The following PLD5 variants were observed in gnomAD, a reference collection of about 807,000 sequenced individuals.
PLD5 encodes the protein phospholipase D family member 5.
A neutral mutation model predicts 61.1 loss-of-function variants in PLD5; 36 were observed. The ratio of observed to expected loss-of-function variants is 0.59; its 90% CI spans 0.45 to 0.78. The LOEUF (loss-of-function observed/expected upper bound fraction) is 0.78, where lower values mean the gene tolerates loss of function less well. Ranked by LOEUF, PLD5 falls within the 30% of genes least tolerant of loss-of-function variation. PLD5 has a pLI of 0.00. For synonymous variants in PLD5, 243 were observed against 242.8 expected, an observed-to-expected ratio of 1.00 and a Z score of -0.01; for missense variants, 515 against 644.4, an observed-to-expected ratio of 0.80 and a Z score of 2.17.
rs187660633 is a variant in PLD5 at position 242,266,559 on chromosome 1, G to A, written c.496-1111C>T. ...CCTTTGTATGTTTTAATAGACTCCCGTCTGTCTCCTTATCATAAAAGGAAA... is the reference window on the plus strand; with the variant it reads ...CCTTTGTATGTTTTAATAGACTCCCATCTGTCTCCTTATCATAAAAGGAAA... On this transcript the variant is annotated intron_variant, in intron 3 of 9. Transcript: ENST00000536534. 7.9e-5 allele frequency among the ~76,000 whole-genome samples: 12 copies of A among 151,964 alleles called. No homozygotes were observed. The East Asian group carries it at 1.4e-3, about 17-fold the overall frequency.
intron 2 of PLD5, among the ~76,000 whole-genome samples, chr1:242,338,578 T>A (rs184996416): frequency 6.6e-6 from 1 of 152,348 alleles, no homozygotes; most frequent in East Asian, 1.9e-4. Flanking sequence ...TTGAAATAAT[T>A]AGCTTCTGCT....
intron 5 of PLD5, among the ~76,000 whole-genome samples, chr1:242,132,101 G>A (rs1307742630): frequency 6.7e-6 from 1 of 148,956 alleles, no homozygotes; most frequent in East Asian, 2.0e-4. Context: ...AAAGTGCTGT[G>A]ATTACAGGCA....
At chr1:242,483,037 C>T (rs1667836379) in intron 1 of PLD5, among the ~76,000 whole-genome samples, 1 of 152,122 alleles carries the variant, frequency 6.6e-6, no homozygotes, top group Non-Finnish European at 1.5e-5. Context: ...CAGGCCTGCC[C>T]TACAAGAGCT....
chr1:242,131,531 T>C (rs2148758098), intron 5 of PLD5, among the ~76,000 whole-genome samples: 1 of 152,306 alleles, frequency 6.6e-6, no homozygotes, highest in African/African-American at 2.4e-5. Flanking sequence ...TTCATATGTC[T>C]ACATGCATTT....
chr1:242,394,446 G>A lies in PLD5; in HGVS notation c.190-46204C>T, dbSNP rs190413890. 7.2e-3 allele frequency among the ~76,000 whole-genome samples: 691 copies of A among 96,410 alleles called. 80 individuals carry two copies. The highest frequency in any genetic ancestry group is 0.027 in the African/African-American group (555 of 20,866). The allele number at this position is 96,410 out of a possible 152,430, so 63.2% of individuals were successfully genotyped here. A position where few individuals can be genotyped will look rare whatever the true frequency, so the allele number is the denominator to read the frequency against. Reference sequence around the variant, plus strand: ...TGTGTGTATATGAGTATATATGTGTGTATATGAGTATATATGTGAACATAT... The same window carrying A: ...TGTGTGTATATGAGTATATATGTGTATATATGAGTATATATGTGAACATAT... On this transcript the variant is annotated intron_variant, in intron 1 of 9. Coordinates refer to ENST00000536534, the MANE Select transcript of PLD5 (RefSeq NM_001372062.1).
At position 242,335,897 on chromosome 1, in the gene PLD5, G is replaced by C. The variant is rs189997730; in HGVS notation, c.326+12209C>G. Among the ~76,000 whole-genome samples, 356 of 152,256 alleles carry C rather than the reference G, an allele frequency of 2.3e-3. 1 individual carries two copies. Among genetic ancestry groups the C allele is most frequent in the Non-Finnish European group, 4.4e-3 (299 of 68,010 alleles). ...CTAATTATATCTCTCTGATAAATTA[G>C]ATGTGCTCTGTGAGTGATGTTATTT... On this transcript the variant is annotated intron_variant, in intron 2 of 9. Transcript: ENST00000536534.
At chr1:242,298,384 G>A (rs1169208726) in intron 2 of PLD5, among the ~76,000 whole-genome samples, 5 of 152,150 alleles carry the variant, frequency 3.3e-5, no homozygotes, top group Admixed American at 2.0e-4. Context: ...ACATAGCATC[G>A]TCAACAACAA....
chr1:242,258,406 T>G (rs1268047438), intron 4 of PLD5, among the ~76,000 whole-genome samples: 1 of 152,240 alleles, frequency 6.6e-6, no homozygotes, highest in Non-Finnish European at 1.5e-5. Context: ...CTTAATTAAC[T>G]TATTAAAGTT....
intron 5 of PLD5, among the ~76,000 whole-genome samples, chr1:242,153,731 T>C (rs1558279065): frequency 6.6e-6 from 1 of 152,184 alleles, no homozygotes; most frequent in Non-Finnish European, 1.5e-5. Flanking sequence ...TTGGTACCAG[T>C]ACCATGCTGT....
chr1:242,292,352 TTGATA>T (rs1675417638), intron 2 of PLD5, among the ~76,000 whole-genome samples: 1 of 152,166 alleles, frequency 6.6e-6, no homozygotes, highest in Non-Finnish European at 1.5e-5. Flanking sequence ...TAATTTTGCT[TTGATA>T]TGATATAAAA....
Position 242,265,335 on chromosome 1 carries a change from A to T in PLD5, c.607+2T>A. 1 of 1,608,546 alleles carries T rather than the reference A, an allele frequency of 6.2e-7. No individual in the cohort carries two copies. Among genetic ancestry groups the T allele is most frequent in the Non-Finnish European group, 8.5e-7 (1 of 1,178,916 alleles). ...AGAATAGCATATCAACCTTGGTCTT[A>T]CCCTTTAATTTCAAGGCTTCTAATA... is the stretch of plus-strand genomic sequence containing the variant. On this transcript the variant is annotated splice_donor_variant, in intron 4 of 9. Coordinates refer to ENST00000536534, the MANE Select transcript of PLD5 (RefSeq NM_001372062.1). LOFTEE classifies it high-confidence loss of function.
At position 242,107,852 on chromosome 1, in the gene PLD5, T is replaced by C. The variant is rs936789175; in HGVS notation, c.1071-13A>G. ...TGGCCAGTAAGTCCTGCAGAAATCA[T>C]ATCCAAATAGAAAAAATAAACTAAG... On this transcript the variant is annotated splice_polypyrimidine_tract_variant and intron_variant, in intron 7 of 9. Transcript: ENST00000536534. 1 of 1,569,056 alleles carries C rather than the reference T, an allele frequency of 6.4e-7. No individual in the cohort carries two copies. Among genetic ancestry groups the C allele is most frequent in the Non-Finnish European group, 8.6e-7 (1 of 1,163,054 alleles).
chr1:242,406,407 A>G (rs113971424), intron 1 of PLD5, among the ~76,000 whole-genome samples: 6,122 of 152,284 alleles, frequency 0.04, 422 homozygotes, highest in African/African-American at 0.14. Context: ...GTCTACCAAT[A>G]TAACTATGCC....
At chr1:242,300,437 A>C (rs1675959919) in intron 2 of PLD5, among the ~76,000 whole-genome samples, 1 of 109,852 alleles carries the variant, frequency 9.1e-6, no homozygotes, top group African/African-American at 3.5e-5. Flanking sequence ...GTGGCGGGAG[A>C]GGAGGAGGAG....
Position 242,436,181 on chromosome 1 carries a change from G to A in PLD5, c.189+87907C>T, listed in dbSNP as rs192617212. ...GTAACAATCCTTCAGACACTCAAAT[G>A]CATATTAAATCACTCTATGCTTCTC... On this transcript the variant is annotated intron_variant, in intron 1 of 9. Coordinates refer to ENST00000536534, the MANE Select transcript of PLD5 (RefSeq NM_001372062.1). 1.1e-4 allele frequency among the ~76,000 whole-genome samples: 16 copies of A among 152,154 alleles called. No individual in the cohort carries two copies. The East Asian group carries it at 2.3e-3, about 22-fold the overall frequency.
At chr1:242,335,440 T>A (rs1429102652) in intron 2 of PLD5, among the ~76,000 whole-genome samples, 1 of 152,146 alleles carries the variant, frequency 6.6e-6, no homozygotes, top group Non-Finnish European at 1.5e-5. Context: ...TAGTTCTAGA[T>A]CCTTTTGTAG....
chr1:242,421,816 G>A (rs60397524), intron 1 of PLD5, among the ~76,000 whole-genome samples: 10,743 of 152,208 alleles, frequency 0.071, 531 homozygotes, highest in Admixed American at 0.14. Flanking sequence ...TATTAAAGGA[G>A]CTCAACTTTA....
rs1020569355 is a variant in PLD5, at chr1:242,124,460, C to T, written c.933+8G>A. ...GGAGAAGGGGAGGAGAAAGGGAAAA[C>T]AACTCACCGATACAAATGCTTGAGA... On this transcript the variant is annotated splice_region_variant and intron_variant, in intron 6 of 9. Coordinates refer to ENST00000536534, the MANE Select transcript of PLD5 (RefSeq NM_001372062.1). 5.6e-6 allele frequency: 9 copies of T among 1,611,778 alleles called. No homozygotes were observed. In the Admixed American group the frequency reaches 1.3e-4, roughly 24 times the overall value.
At position 242,101,785 on chromosome 1, in the gene PLD5, G is replaced by A. The variant is rs550171455; in HGVS notation, c.1240-1003C>T. Among the ~76,000 whole-genome samples the A allele has an allele frequency of 5.9e-5, 9 of 152,264 alleles. No individual in the cohort carries two copies. In the South Asian group the frequency reaches 1.9e-3, roughly 32 times the overall value. The stretch of plus-strand genomic sequence containing the variant: ...GAGTTGGACTTCCCCCTCCCCTAGC[G>A]TGGTAGAACGGTGATAAACTAGATG... On this transcript the variant is annotated intron_variant, in intron 8 of 9. Coordinates refer to ENST00000536534, the MANE Select transcript of PLD5 (RefSeq NM_001372062.1).
Sources: gnomAD v4.1 joint callset for allele counts (sites outside exome capture counted in the v4.1 genomes callset) on GRCh38, gnomAD v4.1.1 for gene constraint, MANE v1.5 for transcripts, NCBI Gene and HGNC (gene_info 2026-07-23, HGNC 2026-07-21) for gene names.